Variants in PIK3R5 observed in about 807,000 individuals in gnomAD.
PIK3R5 encodes phosphoinositide 3-kinase regulatory subunit 5.
Under a neutral mutation model 94.9 loss-of-function variants are expected in PIK3R5, and 32 were observed. The observed-to-expected ratio is 0.34, with a 90% confidence interval of 0.25 to 0.45. PIK3R5 has a LOEUF of 0.45. PIK3R5 is among the 20% of genes least tolerant of loss of function. The pLI, the probability that PIK3R5 is intolerant of heterozygous loss-of-function variation, is 1.00. For synonymous variants in PIK3R5, 443 were observed against 479.4 expected, an observed-to-expected ratio of 0.92 and a Z score of 0.99; for missense variants, 853 against 1,144.6, an observed-to-expected ratio of 0.75 and a Z score of 3.68.
rs540171176 is a variant in PIK3R5 at position 8,901,540 on chromosome 17, A to C, written c.412+3237T>G. ...CAAAGAAATTTACAAGCCAGTCTTGAGCTTTCTAGGGTCCATAAGTTGTTG... is the reference window on the plus strand; with the variant it reads ...CAAAGAAATTTACAAGCCAGTCTTGCGCTTTCTAGGGTCCATAAGTTGTTG... On this transcript the variant is annotated intron_variant, in intron 5 of 18. Transcript: ENST00000447110. Among the ~76,000 whole-genome samples the C allele has an allele frequency of 2.6e-5, 4 of 152,322 alleles. No individual in the cohort carries two copies. In the East Asian group the frequency reaches 5.8e-4, roughly 22 times the overall value.
intron 1 of PIK3R5, among the ~76,000 whole-genome samples, chr17:8,943,238 C>A (rs1033667857): frequency 1.3e-5 from 2 of 151,970 alleles, no homozygotes; most frequent in Non-Finnish European, 1.5e-5. Flanking sequence ...CAAAGCCTGG[C>A]TAATTTTTAA....
chr17:8,888,320 G>T lies in PIK3R5; in HGVS notation c.1467C>A (p.Pro489=). 1.2e-6 allele frequency: 2 copies of T among 1,612,846 alleles called. No homozygotes were observed. Among genetic ancestry groups the T allele is most frequent in the Non-Finnish European group, 1.7e-6 (2 of 1,179,738 alleles). The part of the protein sequence containing the change: ...LPQPKLGTQL[P]SWLLAPASRP... ...GTGAAGCAGGGGCCAGAAGCCAGCT[G>T]GGCAGCTGGGTACCGAGTTTGGGCT... Residue 489 remains proline, a synonymous_variant, in exon 10 of 19, where the codon CCC becomes CCA. Transcript: ENST00000447110. This position sits in a 1 kb window ranked among gnomAD's most constrained non-coding sequence, Gnocchi z 7.8.
chr17:8,890,645 G>T lies in PIK3R5; in HGVS notation c.657+93C>A. The T allele has an allele frequency of 3.5e-6, 4 of 1,144,418 alleles. No individual in the cohort carries two copies. The highest frequency in any genetic ancestry group is 4.9e-6 in the Non-Finnish European group (4 of 814,028). 70.9% of individuals were successfully genotyped at this position (1,144,418 alleles called of 1,614,324 possible). A position where few individuals can be genotyped will look rare whatever the true frequency, so the allele number is the denominator to read the frequency against. On this transcript the variant is annotated intron_variant, in intron 7 of 18. Coordinates refer to ENST00000447110, the MANE Select transcript of PIK3R5 (RefSeq NM_001142633.3). The surrounding 1 kb of genome is among the most constrained non-coding windows in gnomAD (Gnocchi z 6.1). ...GTCACCTGGGTGCAGGAGACTAAGTGTACCCTGGAGACCGTGGCTGAGATG... is the reference window on the plus strand; with the variant it reads ...GTCACCTGGGTGCAGGAGACTAAGTTTACCCTGGAGACCGTGGCTGAGATG...
rs137904982 is a variant in PIK3R5, at chr17:8,907,170, C to T, written c.205-1433G>A. Among the ~76,000 whole-genome samples the T allele has an allele frequency of 5.4e-3, 817 of 151,860 alleles. 7 individuals carry two copies. Among genetic ancestry groups the T allele is most frequent in the African/African-American group, 0.019 (780 of 41,394 alleles). ...TCCCAAGTAGGTGGGATTACAAGCA[C>T]GTGCCACCATACCCAGCTAATTTTT... On this transcript the variant is annotated intron_variant, in intron 3 of 18. Transcript: ENST00000447110.
In PIK3R5 at chr17:8,896,309, A is replaced by C. The variant is rs2151384013; in HGVS notation, c.413-2654T>G. On this transcript the variant is annotated intron_variant, in intron 5 of 18. Transcript: ENST00000447110. The surrounding 1 kb of genome is among the most constrained non-coding windows in gnomAD (Gnocchi z 4.0). ...CTTAACTCCACCCTCCACTCCCCAA[A>C]CAGGGAGGCTGCACTGGGGAGCCTC... is the stretch of plus-strand genomic sequence containing the variant. Among the ~76,000 whole-genome samples the C allele has an allele frequency of 6.6e-6, 1 of 152,152 alleles. No homozygotes were observed. The highest frequency in any genetic ancestry group is 2.4e-5 in the African/African-American group (1 of 41,496).
Position 8,911,697 on chromosome 17 carries a change from T to G in PIK3R5, c.-13-190A>C. 1 of 557,296 alleles carries G rather than the reference T, an allele frequency of 1.8e-6. No homozygotes were observed. The allele number at this position is 557,296 out of a possible 1,614,324, so 34.5% of individuals were successfully genotyped here. A position where few individuals can be genotyped will look rare whatever the true frequency, so the allele number is the denominator to read the frequency against. ...TAGGAATGGCATCTGGAGGGCCACA[T>G]CTGAGTGGCAGGACAGAGCACCCCT... is the stretch of plus-strand genomic sequence containing the variant. On this transcript the variant is annotated intron_variant, in intron 1 of 18. Transcript: ENST00000447110. This position sits in a 1 kb window ranked among gnomAD's most constrained non-coding sequence, Gnocchi z 5.3.
At chr17:8,906,964 G>A (rs2090409362) in intron 3 of PIK3R5, among the ~76,000 whole-genome samples, 2 of 152,202 alleles carry the variant, frequency 1.3e-5, no homozygotes, top group Non-Finnish European at 2.9e-5. Context: ...TTATGCCCTT[G>A]GATAATATCC....
rs1387125128 is a variant in PIK3R5, at chr17:8,887,169, A to C, written c.1832T>G (p.Leu611Arg). 6.2e-7 allele frequency: 1 copy of C among 1,613,782 alleles called. No individual in the cohort carries two copies. Among genetic ancestry groups the C allele is most frequent in the Non-Finnish European group, 8.5e-7 (1 of 1,179,964 alleles). The change falls in exon 12 of 19, where the codon CTC becomes CGC. Residue 611 changes from leucine to arginine, a missense_variant. Around this residue, in one of 6 missense-constraint regions of PIK3R5, gnomAD observed 173 missense variants for 274.1 expected, o/e 0.63. Transcript: ENST00000447110. ...EESTNDISHYLGMLDPWYERN... is the reference protein window; with the variant it reads ...EESTNDISHYRGMLDPWYERN... ...CTCATACCAGGGGTCCAGCATGCCG[A>C]GGTAGTGGGAGATGTCATTGGTGCT...
intron 1 of PIK3R5, among the ~76,000 whole-genome samples, chr17:8,943,028 C>T (rs185094500): frequency 9.6e-4 from 146 of 151,376 alleles, no homozygotes; most frequent in African/African-American, 3.3e-3. Context: ...AGGCTGTGGA[C>T]ATCATAGCAC....
intron 1 of PIK3R5, among the ~76,000 whole-genome samples, chr17:8,959,419 C>CTGTGTG (rs34656716): frequency 6.6e-6 from 1 of 150,796 alleles, no homozygotes; most frequent in African/African-American, 2.4e-5. Flanking sequence ...GCGAGAGAGA[C>CTGTGTG]TGTGTGTGTG....
chr17:8,897,133 T>A (rs576600112), intron 5 of PIK3R5, among the ~76,000 whole-genome samples: 3 of 152,214 alleles, frequency 2.0e-5, no homozygotes, highest in Admixed American at 6.5e-5. Context: ...GCTGGAGGAA[T>A]TGGGGACTCA....
rs761149953 is a variant in PIK3R5, at chr17:8,882,134, C to T, written c.2206-253G>A. 2.4e-5 allele frequency: 12 copies of T among 507,114 alleles called. No homozygotes were observed. The highest frequency in any genetic ancestry group is 3.6e-5 in the Non-Finnish European group (10 of 279,838). 31.4% of individuals were successfully genotyped at this position (507,114 alleles called of 1,614,324 possible). Reference sequence around the variant, plus strand: ...TTGAAAGGTACAAGAGCTGAGAGCACCTGCAGGGGTGGTCCTGAAGCTCTC... The same window carrying T: ...TTGAAAGGTACAAGAGCTGAGAGCATCTGCAGGGGTGGTCCTGAAGCTCTC... On this transcript the variant is annotated intron_variant, in intron 15 of 18. Transcript: ENST00000447110. This position sits in a 1 kb window ranked among gnomAD's most constrained non-coding sequence, Gnocchi z 4.1.
chr17:8,940,668 C>T (rs1373301848), intron 1 of PIK3R5, among the ~76,000 whole-genome samples: 7 of 152,200 alleles, frequency 4.6e-5, no homozygotes, highest in South Asian at 2.1e-4. Flanking sequence ...TCAAGTGATT[C>T]TCCTGCCTCA....
In PIK3R5 at chr17:8,888,785, C is replaced by G. The variant is rs747851876; in HGVS notation, c.1002G>C (p.Leu334Phe). Residue 334 changes from leucine to phenylalanine, a missense_variant, in exon 10 of 19, where the codon TTG (leucine) becomes TTC (phenylalanine). This residue lies in a region of PIK3R5 where 161 missense variants were observed against 249.5 expected (regional missense o/e 0.65). Coordinates refer to ENST00000447110, the MANE Select transcript of PIK3R5 (RefSeq NM_001142633.3). The surrounding 1 kb of genome is among the most constrained non-coding windows in gnomAD (Gnocchi z 7.8). Reference sequence around the variant, plus strand: ...TCTCGGCACAGTGCCCGTCAGTTTCCAAGTCCTCCTCCACCTCCTCCTCCT... The same window carrying G: ...TCTCGGCACAGTGCCCGTCAGTTTCGAAGTCCTCCTCCACCTCCTCCTCCT... ...EEEEEEVEED[L>F]ETDGHCAERD... is the part of the protein sequence containing the mutation. 3.7e-6 allele frequency: 6 copies of G among 1,612,680 alleles called. No individual in the cohort carries two copies. Among genetic ancestry groups the G allele is most frequent in the Non-Finnish European group, 5.1e-6 (6 of 1,180,012 alleles).
intron 1 of PIK3R5, among the ~76,000 whole-genome samples, chr17:8,948,065 AAG>A (rs1491054654): frequency 2.1e-5 from 3 of 143,714 alleles, no homozygotes; most frequent in African/African-American, 8.2e-5. Flanking sequence ...AAAAAAAAAA[AAG>A]AAAAGAAAAG....
At position 8,905,180 on chromosome 17, in the gene PIK3R5, C is replaced by A. The variant is rs537563558; in HGVS notation, c.274-265G>T. On this transcript the variant is annotated intron_variant, in intron 4 of 18. Coordinates refer to ENST00000447110, the MANE Select transcript of PIK3R5 (RefSeq NM_001142633.3). Reference sequence around the variant, plus strand: ...GTGAGCCTCTCTGAAAGGCTGTCCCCTTACTGGTAAATGGTGCCATTGCTG... The same window carrying A: ...GTGAGCCTCTCTGAAAGGCTGTCCCATTACTGGTAAATGGTGCCATTGCTG... Among the ~76,000 whole-genome samples the A allele has an allele frequency of 7.3e-5, 4 of 55,060 alleles. No individual in the cohort carries two copies. The East Asian group carries it at 1.2e-3, about 17-fold the overall frequency. The allele number at this position is 55,060 out of a possible 152,430, so 36.1% of individuals were successfully genotyped here. A position where few individuals can be genotyped will look rare whatever the true frequency, so the allele number is the denominator to read the frequency against.
In PIK3R5 at chr17:8,893,591, G is replaced by A. The variant is rs746245509; in HGVS notation, c.477C>T (p.Ser159=). 5.6e-6 allele frequency: 9 copies of A among 1,613,372 alleles called. No homozygotes were observed. The highest frequency in any genetic ancestry group is 1.7e-4 in the Middle Eastern group (1 of 6,036). ...QGLPIRSHRS[S]TVTVLLLNPV... ...CGTCCCCCAAGAGCACTCACACGGT[G>A]GAGCTGCGGTGACTCCTGATGGGCA... The change falls in exon 6 of 19, where the codon TCC becomes TCT. Residue 159 remains serine (S), a synonymous_variant. Coordinates refer to ENST00000447110, the MANE Select transcript of PIK3R5 (RefSeq NM_001142633.3). This position sits in a 1 kb window ranked among gnomAD's most constrained non-coding sequence, Gnocchi z 5.1.
intron 1 of PIK3R5, among the ~76,000 whole-genome samples, chr17:8,919,115 A>C (rs1420406271): frequency 2.0e-5 from 3 of 152,218 alleles, no homozygotes; most frequent in Non-Finnish European, 4.4e-5. Context: ...GGCTAAATGC[A>C]ATGTGAGATC....
intron 1 of PIK3R5, among the ~76,000 whole-genome samples, chr17:8,929,120 T>TA (rs1200082850): frequency 6.6e-6 from 1 of 151,844 alleles, no homozygotes; most frequent in African/African-American, 2.4e-5. Flanking sequence ...ACAGATAAAA[T>TA]AAAAAATGAA....
Sources: gnomAD v4.1 joint callset for allele counts (sites outside exome capture counted in the v4.1 genomes callset) on GRCh38, gnomAD v4.1.1 for gene constraint, gnomAD v4.1.1 regional missense constraint, Gnocchi (gnomAD v3.1) non-coding constraint, MANE v1.5 for transcripts, NCBI Gene and HGNC (gene_info 2026-07-23, HGNC 2026-07-21) for gene names.